The following PCLO variants were observed in gnomAD, a reference collection of about 807,000 sequenced individuals.
The protein encoded by PCLO is protein piccolo.
Under a neutral mutation model 427.5 loss-of-function variants are expected in PCLO, and 82 were observed. The ratio of observed to expected loss-of-function variants is 0.19; its 90% confidence interval spans 0.16 to 0.23. The LOEUF (loss-of-function observed/expected upper bound fraction) is 0.23. PCLO is among the 10% of genes least tolerant of loss of function. The pLI is 1.00. For missense variants in PCLO, 6,239 were observed against 6,115.9 expected, an observed-to-expected ratio of 1.02 and a Z score of -0.67; for synonymous variants, 2,357 against 2,155.4, an observed-to-expected ratio of 1.09 and a Z score of -2.59.
chr7:83,040,311 C>A (rs571806839), intron 3 of PCLO, among the ~76,000 whole-genome samples: 7 of 152,106 alleles, frequency 4.6e-5, no homozygotes, highest in South Asian at 4.1e-4. Flanking sequence ...TGTTGCCCAT[C>A]ATAGGGCACA....
At chr7:82,853,808 C>T (rs1792730419) in intron 10 of PCLO, among the ~76,000 whole-genome samples, 1 of 152,190 alleles carries the variant, frequency 6.6e-6, no homozygotes, top group African/African-American at 2.4e-5. Context: ...GTTAATCCTC[C>T]TTCATCCTTG....
At chr7:82,902,614 AAAC>A in intron 9 of PCLO, 34 bp downstream of exon 9, 1 of 1,266,320 alleles carries the variant, frequency 7.9e-7, no homozygotes, top group Non-Finnish European at 1.1e-6. Context: ...CAAAACAAAA[AAAC>A]AAAAAAAATA....
intron 3 of PCLO, among the ~76,000 whole-genome samples, chr7:83,099,759 A>C (rs1292257276): frequency 6.6e-6 from 1 of 152,202 alleles, no homozygotes; most frequent in Non-Finnish European, 1.5e-5. Flanking sequence ...CTAAGATTAC[A>C]TAAATTTTTA....
chr7:82,760,517 A>G (rs540419778), intron 24 of PCLO, 122 bp downstream of exon 24: 21 of 583,394 alleles, frequency 3.6e-5, no homozygotes, highest in African/African-American at 2.9e-4. Flanking sequence ...ACTGCTGAAA[A>G]TTAATTAACT....
At chr7:82,957,623 A>G (rs2115588166) in intron 4 of PCLO, among the ~76,000 whole-genome samples, 1 of 152,224 alleles carries the variant, frequency 6.6e-6, no homozygotes, top group East Asian at 1.9e-4. Context: ...TGTACTTTGA[A>G]AAAGTTATAC....
chr7:83,141,582 C>T (rs1336547827), intron 2 of PCLO, among the ~76,000 whole-genome samples: 1 of 152,174 alleles, frequency 6.6e-6, no homozygotes, highest in African/African-American at 2.4e-5. Flanking sequence ...TCTGAGGCCA[C>T]TGTGTATTCT....
intron 6 of PCLO, among the ~76,000 whole-genome samples, chr7:82,930,815 T>C (rs1439867865): frequency 6.6e-6 from 1 of 152,170 alleles, no homozygotes; most frequent in Non-Finnish European, 1.5e-5. Flanking sequence ...GGGATTCCAC[T>C]AATGATATGT....
chr7:82,912,225 C>T lies in PCLO; in HGVS notation c.13300+2461G>A, dbSNP rs191503883. ...GATATAGCATATATTTGCTAAAAAT[C>T]TGTTAAAAATTTCTAATACTTAATG... On this transcript the variant is annotated intron_variant, in intron 7 of 24. Coordinates refer to ENST00000333891, the MANE Select transcript of PCLO (RefSeq NM_033026.6). Among the ~76,000 whole-genome samples, 405 of 151,880 alleles carry T rather than the reference C, an allele frequency of 2.7e-3. 1 individual carries two copies. The highest frequency in any genetic ancestry group is 4.3e-3 in the Non-Finnish European group (294 of 67,884).
At chr7:82,883,962 G>T (rs1793570865) in intron 9 of PCLO, among the ~76,000 whole-genome samples, 1 of 152,024 alleles carries the variant, frequency 6.6e-6, no homozygotes, top group Non-Finnish European at 1.5e-5. Flanking sequence ...GTAGACAGGG[G>T]TTTTTGCCAT....
intron 3 of PCLO, among the ~76,000 whole-genome samples, chr7:83,132,698 G>A (rs140297206): frequency 6.6e-6 from 1 of 152,172 alleles, no homozygotes; most frequent in East Asian, 1.9e-4. Flanking sequence ...TTTTAAGTGT[G>A]TAAAAATATA....
chr7:82,842,451 T>A (rs1414709640), intron 13 of PCLO, among the ~76,000 whole-genome samples: 4 of 152,004 alleles, frequency 2.6e-5, no homozygotes, highest in African/African-American at 9.7e-5. Context: ...GAGAGAAACA[T>A]AAGGGAAAAG....
intron 3 of PCLO, among the ~76,000 whole-genome samples, chr7:83,110,943 ACTT>A (rs1790988123): frequency 6.6e-6 from 1 of 152,286 alleles, no homozygotes; most frequent in Non-Finnish European, 1.5e-5. Context: ...ATTTATATGG[ACTT>A]CTTATTACTA....
chr7:83,159,083 G>GCT (rs1479234761), intron 1 of PCLO, among the ~76,000 whole-genome samples: 2 of 152,030 alleles, frequency 1.3e-5, no homozygotes, highest in African/African-American at 4.8e-5. Flanking sequence ...ACCAAGTCTG[G>GCT]CAACTAGTAG....
Position 83,116,845 on chromosome 7 carries a change from T to C in PCLO, c.3300+17405A>G, listed in dbSNP as rs530967028. 1.6e-4 allele frequency among the ~76,000 whole-genome samples: 25 copies of C among 152,284 alleles called. No individual in the cohort carries two copies. In the South Asian group the frequency reaches 4.8e-3, roughly 29 times the overall value. ...TACTCTCCACTTCTGTGATATCAAC[T>C]TTCTAAAATTACACATGAGGGAGGT... On this transcript the variant is annotated intron_variant, in intron 3 of 24. Coordinates refer to ENST00000333891, the MANE Select transcript of PCLO (RefSeq NM_033026.6).
At chr7:82,980,550 G>T (rs1271400361) in intron 3 of PCLO, among the ~76,000 whole-genome samples, 1 of 152,128 alleles carries the variant, frequency 6.6e-6, no homozygotes, top group African/African-American at 2.4e-5. Flanking sequence ...GCCTTTGATT[G>T]TGCTCAGTGG....
Position 82,854,122 on chromosome 7 carries a change from C to T in PCLO, c.13655-6875G>A, listed in dbSNP as rs1792738961. 2.0e-5 allele frequency among the ~76,000 whole-genome samples: 3 copies of T among 152,094 alleles called. No individual in the cohort carries two copies. In the South Asian group the frequency reaches 6.2e-4, roughly 32 times the overall value. On this transcript the variant is annotated intron_variant, in intron 10 of 24. Transcript: ENST00000333891. ...TTCTTTTTTGCACTTCCCACATCTC[C>T]TCTCATGGCCCTCTCAGTGGCAGTT...
rs1344671025 is a variant in PCLO, at chr7:82,953,346, A to T, written c.7607T>A (p.Leu2536Gln). The T allele has an allele frequency of 6.2e-7, 1 of 1,613,712 alleles. No individual in the cohort carries two copies. The highest frequency in any genetic ancestry group is 1.3e-5 in the African/African-American group (1 of 74,892). The change falls in exon 5 of 25, where the codon CTA (leucine) becomes CAA (glutamine). Residue 2536 changes from leucine (L) to glutamine (Q), a missense_variant. Coordinates refer to ENST00000333891, the MANE Select transcript of PCLO (RefSeq NM_033026.6). ...PTDIHPKPTG[L>Q]SLTSSMTLNL... The stretch of plus-strand genomic sequence containing the variant: ...TAAGGTCATACTTGAAGTTAAAGAT[A>T]GGCCTGTTGGTTTGGGGTGTATATC...
At chr7:83,123,373 G>A (rs369691568) in intron 3 of PCLO, among the ~76,000 whole-genome samples, 224 of 152,162 alleles carry the variant, frequency 1.5e-3, no homozygotes, top group African/African-American at 5.1e-3. Context: ...TATACCTTGG[G>A]GAAAGTGTAT....
At chr7:82,991,210 ATCTG>A (rs1433206062) in intron 3 of PCLO, among the ~76,000 whole-genome samples, 7 of 152,048 alleles carry the variant, frequency 4.6e-5, no homozygotes, top group Admixed American at 1.3e-4. Flanking sequence ...TATAGTATCT[ATCTG>A]TCTATCTATC....
Sources: allele counts gnomAD v4.1 joint callset (sites outside exome capture counted in the v4.1 genomes callset), GRCh38; gene constraint gnomAD v4.1.1; transcripts MANE v1.5; gene names NCBI Gene and HGNC (gene_info 2026-07-23, HGNC 2026-07-21).